The following FRZB variants were observed in gnomAD, a reference collection of about 807,000 sequenced individuals.
FRZB encodes the protein secreted frizzled-related protein 3.
In FRZB, 34 loss-of-function variants were observed where a neutral mutation model predicts 32.5. That is an observed-to-expected ratio of 1.05 (90% CI 0.80 to 1.39). FRZB has a LOEUF of 1.39. FRZB is among the 40% of genes most tolerant of loss of function. The pLI, the probability that FRZB is intolerant of heterozygous loss-of-function variation, is 0.00. For synonymous variants in FRZB, 170 were observed against 159.2 expected, an observed-to-expected ratio of 1.07 and a Z score of -0.51; for missense variants, 423 against 424.8, an observed-to-expected ratio of 1.00 and a Z score of 0.04.
At chr2:182,853,703 A>G (rs1695734527) in intron 2 of FRZB, among the ~76,000 whole-genome samples, 1 of 152,202 alleles carries the variant, frequency 6.6e-6, no homozygotes, top group Non-Finnish European at 1.5e-5. Flanking sequence ...TCCCAATGTA[A>G]TGAAAGTTGA....
intron 3 of FRZB, among the ~76,000 whole-genome samples, chr2:182,838,929 C>A (rs1413318468): frequency 6.6e-6 from 1 of 152,094 alleles, no homozygotes; most frequent in Non-Finnish European, 1.5e-5. Context: ...CAATCTGATA[C>A]AATTTTTCTC....
chr2:182,837,720 T>C, intron 5 of FRZB, among the ~76,000 whole-genome samples: 1 of 152,016 alleles, frequency 6.6e-6, no homozygotes, highest in South Asian at 2.1e-4. Context: ...GAAGAGACAT[T>C]AGGGCAACTG....
intron 2 of FRZB, among the ~76,000 whole-genome samples, chr2:182,843,606 C>G (rs905613511): frequency 6.6e-6 from 1 of 151,956 alleles, no homozygotes; most frequent in Non-Finnish European, 1.5e-5. Flanking sequence ...AGGACATCAA[C>G]AAAAAAAGTT....
At chr2:182,836,983 G>A (rs961166088) in intron 5 of FRZB, among the ~76,000 whole-genome samples, 2 of 151,954 alleles carry the variant, frequency 1.3e-5, no homozygotes, top group South Asian at 2.1e-4. Context: ...AAGATAAACC[G>A]CCCAGGGGTG....
intron 1 of FRZB, among the ~76,000 whole-genome samples, chr2:182,861,844 G>C (rs1695834463): frequency 6.6e-6 from 1 of 152,200 alleles, no homozygotes; most frequent in Non-Finnish European, 1.5e-5. Context: ...AAATTATTAA[G>C]ATTTGGAGAC....
At chr2:182,836,855 C>T (rs1288041640) in intron 5 of FRZB, among the ~76,000 whole-genome samples, 3 of 152,004 alleles carry the variant, frequency 2.0e-5, no homozygotes, top group Admixed American at 1.3e-4. Flanking sequence ...TTTGACAAAT[C>T]TACTAAAGGG....
At chr2:182,851,320 T>C (rs1695707970) in intron 2 of FRZB, among the ~76,000 whole-genome samples, 1 of 152,202 alleles carries the variant, frequency 6.6e-6, no homozygotes, top group Admixed American at 6.5e-5. Flanking sequence ...TGGTGTCACA[T>C]ACTTAAATGA....
Position 182,866,277 on chromosome 2 carries a change from G to A in FRZB, c.276C>T (p.Tyr92=). 1 of 1,614,228 alleles carries A rather than the reference G, an allele frequency of 6.2e-7. No individual in the cohort carries two copies. Among genetic ancestry groups the A allele is most frequent in the Non-Finnish European group, 8.5e-7 (1 of 1,180,038 alleles). Residue 92 remains tyrosine, a synonymous_variant, in exon 1 of 6, where the codon TAC becomes TAT. Coordinates refer to ENST00000295113, the MANE Select transcript of FRZB (RefSeq NM_001463.4). The surrounding 1 kb of genome is among the most constrained non-coding windows in gnomAD (Gnocchi z 4.5). Reference sequence around the variant, plus strand: ...GGAAGTCAATGGTGCAGATGGGCGCGTACATGGCACAGAGGAAGAAGAGCA... The same window carrying A: ...GGAAGTCAATGGTGCAGATGGGCGCATACATGGCACAGAGGAAGAAGAGCA... ...PDLLFFLCAM[Y]APICTIDFQH...
intron 2 of FRZB, among the ~76,000 whole-genome samples, chr2:182,848,527 G>T (rs1695671977): frequency 6.6e-6 from 1 of 152,046 alleles, no homozygotes; most frequent in Non-Finnish European, 1.5e-5. Flanking sequence ...ATGGAAAACC[G>T]ACAGGGTCTT....
At chr2:182,865,906 T>A (rs370893719) in intron 1 of FRZB, among the ~76,000 whole-genome samples, 169 bp downstream of exon 1, 11 of 152,176 alleles carry the variant, frequency 7.2e-5, no homozygotes, top group African/African-American at 2.6e-4. Context: ...TTTGTTTTTG[T>A]TTTTGAAAAA....
chr2:182,842,644 G>T (rs915881463), intron 2 of FRZB, 101 bp from the exon 3 acceptor site: 11 of 813,660 alleles, frequency 1.4e-5, no homozygotes, highest in Non-Finnish European at 2.3e-5. Context: ...CAATTTGGTG[G>T]TGAGAAGGCT....
chr2:182,861,575 T>C (rs1695831892), intron 1 of FRZB, among the ~76,000 whole-genome samples: 1 of 152,240 alleles, frequency 6.6e-6, no homozygotes, highest in Non-Finnish European at 1.5e-5. Flanking sequence ...AATGTCAATG[T>C]CAAGCGACTA....
intron 3 of FRZB, 74 bp from the exon 4 acceptor site, chr2:182,838,687 A>ACTTT: frequency 8.2e-7 from 1 of 1,213,262 alleles, no homozygotes; most frequent in Non-Finnish European, 1.2e-6. Context: ...AAGCCAAAGT[A>ACTTT]GGCTTCTCTT....
At chr2:182,843,117 C>G (rs1291222365) in intron 2 of FRZB, among the ~76,000 whole-genome samples, 1 of 152,148 alleles carries the variant, frequency 6.6e-6, no homozygotes, top group Admixed American at 6.5e-5. Flanking sequence ...TACCATTCAA[C>G]TCAATGGTAT....
At chr2:182,841,678 A>G (rs1695587455) in intron 3 of FRZB, among the ~76,000 whole-genome samples, 1 of 152,172 alleles carries the variant, frequency 6.6e-6, no homozygotes, top group Non-Finnish European at 1.5e-5. Flanking sequence ...TAATGACTGT[A>G]TAAATGAATT....
intron 2 of FRZB, among the ~76,000 whole-genome samples, chr2:182,858,401 C>T (rs6433991): frequency 0.66 from 100,230 of 151,970 alleles, 33,538 homozygotes; most frequent in African/African-American, 0.7. Context: ...GACAATCGAA[C>T]CTCAAATAGA....
rs1427549743 is a variant in FRZB at position 182,838,503 on chromosome 2, C to G, written c.703G>C (p.Val235Leu). The change falls in exon 4 of 6, where the codon GTC becomes CTC. Residue 235 changes from valine to leucine, a missense_variant. Transcript: ENST00000295113. ...SSLVNIPRDTVNLYTSSGCLC... is the reference protein window; with the variant it reads ...SSLVNIPRDTLNLYTSSGCLC... ...CAGCCAGAGCTGGTATAGAGGTTGA[C>G]AGTGTCCCGTGGAATGTTTACCAGA... 1.9e-6 allele frequency: 3 copies of G among 1,612,976 alleles called. No homozygotes were observed. The highest frequency in any genetic ancestry group is 2.5e-6 in the Non-Finnish European group (3 of 1,179,254).
intron 4 of FRZB, 32 bp downstream of exon 4, chr2:182,838,372 CAAAGT>C: frequency 6.6e-7 from 1 of 1,521,498 alleles, no homozygotes; most frequent in Non-Finnish European, 9.1e-7. Flanking sequence ...GTAGGATAAG[CAAAGT>C]AGTTATTCTG....
chr2:182,852,912 A>T (rs945172531), intron 2 of FRZB, among the ~76,000 whole-genome samples: 1 of 152,262 alleles, frequency 6.6e-6, no homozygotes, highest in South Asian at 2.1e-4. Flanking sequence ...TATATTAACT[A>T]GAGTGAAAGA....
Sources: gnomAD v4.1 joint callset for allele counts (sites outside exome capture counted in the v4.1 genomes callset) on GRCh38, gnomAD v4.1.1 for gene constraint, Gnocchi (gnomAD v3.1) non-coding constraint, MANE v1.5 for transcripts, NCBI Gene and HGNC (gene_info 2026-07-23, HGNC 2026-07-21) for gene names.